Variants in TRPS1 observed in about 807,000 individuals in gnomAD.
TRPS1 encodes zinc finger transcription factor Trps1.
Under a neutral mutation model 101.2 loss-of-function variants are expected in TRPS1, and 6 were observed. That is an observed-to-expected ratio of 0.06 (90% confidence interval 0.03 to 0.12). The LOEUF is 0.12. Ranked by LOEUF, TRPS1 falls within the 10% of genes least tolerant of loss-of-function variation. The probability of loss-of-function intolerance (pLI) is 1.00; values close to 1 mark genes in which losing one functional copy is unlikely to be tolerated. For synonymous variants in TRPS1, 578 were observed against 589.8 expected, an observed-to-expected ratio of 0.98 and a Z score of 0.29; for missense variants, 1,363 against 1,567.0, an observed-to-expected ratio of 0.87 and a Z score of 2.20.
At chr8:115,611,054 T>C (rs1004317785) in intron 3 of TRPS1, among the ~76,000 whole-genome samples, 1 of 150,264 alleles carries the variant, frequency 6.7e-6, no homozygotes, top group Non-Finnish European at 1.5e-5. Context: ...GGGGCGGAGG[T>C]TGCAGTGAGC....
At chr8:115,663,225 GCCACAAGCCCGTT>G (rs1586507597) in intron 1 of TRPS1, among the ~76,000 whole-genome samples, 1 of 149,746 alleles carries the variant, frequency 6.7e-6, no homozygotes, top group Non-Finnish European at 1.5e-5. Flanking sequence ...TCTTCCTCAG[GCCACAAGCCCGTT>G]CTTACTTGAA....
chr8:115,651,423 A>G (rs1010714927), intron 1 of TRPS1, among the ~76,000 whole-genome samples: 10 of 152,188 alleles, frequency 6.6e-5, no homozygotes, highest in African/African-American at 2.2e-4. Flanking sequence ...GATAATCTTT[A>G]TTTTCCTCTG....
intron 1 of TRPS1, among the ~76,000 whole-genome samples, chr8:115,650,179 T>C (rs3808472): frequency 6.6e-6 from 1 of 152,332 alleles, no homozygotes; most frequent in East Asian, 1.9e-4. Context: ...ACAGTGAAAC[T>C]GTTTCTACTG....
At chr8:115,493,798 A>C (rs1815087529) in intron 5 of TRPS1, among the ~76,000 whole-genome samples, 1 of 152,240 alleles carries the variant, frequency 6.6e-6, no homozygotes, top group African/African-American at 2.4e-5. Flanking sequence ...TATAATTTTA[A>C]AAGATATGCT....
At chr8:115,602,249 A>C (rs1817925475) in intron 4 of TRPS1, among the ~76,000 whole-genome samples, 1 of 151,344 alleles carries the variant, frequency 6.6e-6, no homozygotes, top group South Asian at 2.1e-4. Flanking sequence ...AAGATTTCTC[A>C]AAAAAAAAGT....
At position 115,512,915 on chromosome 8, in the gene TRPS1, T is replaced by C. The variant is rs1815620438; in HGVS notation, c.2700+74086A>G. On this transcript the variant is annotated intron_variant, in intron 5 of 6. Transcript: ENST00000395715. The stretch of plus-strand genomic sequence containing the variant: ...TTTAACTCCTTTTTCCCAAGTATTG[T>C]TATGGGGAATGGGAATGACACAAAA... 3.3e-5 allele frequency among the ~76,000 whole-genome samples: 5 copies of C among 151,782 alleles called. No homozygotes were observed. The South Asian group carries it at 1.0e-3, about 31-fold the overall frequency.
At chr8:115,463,988 C>A (rs1814254946) in intron 5 of TRPS1, among the ~76,000 whole-genome samples, 1 of 151,998 alleles carries the variant, frequency 6.6e-6, no homozygotes, top group Admixed American at 6.6e-5. Context: ...ATCTCTCTCC[C>A]CAATTCCCAC....
At chr8:115,589,970 A>T (rs894293707) in intron 4 of TRPS1, among the ~76,000 whole-genome samples, 3 of 152,122 alleles carry the variant, frequency 2.0e-5, no homozygotes, top group African/African-American at 7.2e-5. Flanking sequence ...TACAAAAATT[A>T]GCTGGGTGTG....
chr8:115,523,667 T>A (rs1815923439), intron 5 of TRPS1, among the ~76,000 whole-genome samples: 1 of 152,192 alleles, frequency 6.6e-6, no homozygotes, highest in Non-Finnish European at 1.5e-5. Context: ...AGTCCGAGGC[T>A]TTAATATATC....
chr8:115,538,820 A>T (rs1210709072), intron 5 of TRPS1, among the ~76,000 whole-genome samples: 11 of 152,198 alleles, frequency 7.2e-5, no homozygotes, highest in Admixed American at 7.2e-4. Flanking sequence ...AATGTAAATA[A>T]CTTGTTAATG....
intron 1 of TRPS1, among the ~76,000 whole-genome samples, chr8:115,649,977 C>T (rs1422915531): frequency 2.0e-5 from 3 of 152,184 alleles, no homozygotes; most frequent in Non-Finnish European, 1.5e-5. Flanking sequence ...CCATTTCCTT[C>T]CTCTATTTCT....
chr8:115,414,147 C>T lies in TRPS1; in HGVS notation c.3761G>A (p.Gly1254Glu). ...CTGGCATATGCTGCACTGGAAAGGTCCACTGTCACCATGGCAACTCATATG... is the reference window on the plus strand; with the variant it reads ...CTGGCATATGCTGCACTGGAAAGGTTCACTGTCACCATGGCAACTCATATG... ...ALHMSCHGDSGPFQCSICQHL... is the reference protein window; with the variant it reads ...ALHMSCHGDSEPFQCSICQHL... Residue 1254 changes from glycine (G) to glutamate (E), a missense_variant, in exon 7 of 7, where the codon GGA becomes GAA. By Grantham distance (98) the Gly-to-Glu change is moderately conservative. Around this residue, in one of 5 missense-constraint regions of TRPS1, gnomAD observed 307 missense variants for 392.4 expected, o/e 0.78. Transcript: ENST00000395715. The surrounding 1 kb of genome is among the most constrained non-coding windows in gnomAD (Gnocchi z 4.8). 6.2e-7 allele frequency: 1 copy of T among 1,614,000 alleles called. No homozygotes were observed. Among genetic ancestry groups the T allele is most frequent in the East Asian group, 2.2e-5 (1 of 44,858 alleles).
intron 5 of TRPS1, among the ~76,000 whole-genome samples, chr8:115,447,975 T>A (rs1367606635): frequency 1.3e-5 from 2 of 152,186 alleles, no homozygotes; most frequent in African/African-American, 4.8e-5. Context: ...GCCTCTGATG[T>A]CTTTTCCTTT....
At position 115,487,848 on chromosome 8, in the gene TRPS1, TTGAAA is replaced by T. The variant is rs530818869; in HGVS notation, c.2701-69401_2701-69397del. ...CCTAGTAAATATGCTGTGAATGTTG[TTGAAA>T]TGAACAAAGGATTAAGAATATTACA... On this transcript the variant is annotated intron_variant, in intron 5 of 6. Transcript: ENST00000395715. 1.5e-3 allele frequency among the ~76,000 whole-genome samples: 228 copies of T among 152,298 alleles called. 1 individual carries two copies. The highest frequency in any genetic ancestry group is 4.8e-3 in the Admixed American group (73 of 15,292).
At chr8:115,634,600 C>T (rs1182727599) in intron 1 of TRPS1, among the ~76,000 whole-genome samples, 1 of 152,056 alleles carries the variant, frequency 6.6e-6, no homozygotes, top group Non-Finnish European at 1.5e-5. Flanking sequence ...GTATTATCAC[C>T]ATCTTCATAC....
Position 115,559,242 on chromosome 8 carries a change from C to A in TRPS1, c.2700+27759G>T, listed in dbSNP as rs532922503. On this transcript the variant is annotated intron_variant, in intron 5 of 6. Coordinates refer to ENST00000395715, the MANE Select transcript of TRPS1 (RefSeq NM_014112.5). ...TATTATCATCCATGGCTGGTGTGAG[C>A]ATTTCAATATGTTACCCAGCAGCAC... 1.1e-4 allele frequency among the ~76,000 whole-genome samples: 16 copies of A among 152,184 alleles called. No individual in the cohort carries two copies. In the East Asian group the frequency reaches 3.1e-3, roughly 29 times the overall value.
intron 5 of TRPS1, among the ~76,000 whole-genome samples, chr8:115,492,490 TGCGTG>T (rs751200555): frequency 8.6e-5 from 13 of 151,440 alleles, no homozygotes; most frequent in Non-Finnish European, 1.6e-4. Context: ...TGCGTGCGTG[TGCGTG>T]TTCGTGTGTG....
At chr8:115,630,908 A>G (rs1818625968) in intron 1 of TRPS1, among the ~76,000 whole-genome samples, 1 of 152,056 alleles carries the variant, frequency 6.6e-6, no homozygotes, top group Non-Finnish European at 1.5e-5. Flanking sequence ...AAGTGATAAC[A>G]TTTTAAGAAA....
chr8:115,632,040 G>C (rs955563756), intron 1 of TRPS1, among the ~76,000 whole-genome samples: 11 of 152,056 alleles, frequency 7.2e-5, no homozygotes, highest in Admixed American at 7.2e-4. Flanking sequence ...AATATCTGTA[G>C]ACTGATTACA....
Sources: gnomAD v4.1 joint callset for allele counts (sites outside exome capture counted in the v4.1 genomes callset) on GRCh38, gnomAD v4.1.1 for gene constraint, gnomAD v4.1.1 regional missense constraint, Gnocchi (gnomAD v3.1) non-coding constraint, MANE v1.5 for transcripts, NCBI Gene and HGNC (gene_info 2026-07-23, HGNC 2026-07-21) for gene names.